Variants in AVL9 observed in about 807,000 individuals in gnomAD.
AVL9 encodes late secretory pathway protein AVL9 homolog.
A neutral mutation model predicts 79.2 loss-of-function variants in AVL9; 49 were observed. That is an observed-to-expected ratio of 0.62 (90% CI 0.49 to 0.79). The LOEUF is 0.79. Ranked by LOEUF, AVL9 falls within the 30% of genes least tolerant of loss-of-function variation. The pLI is 0.00. For missense variants in AVL9, 682 were observed against 776.8 expected (o/e 0.88, Z 1.45); for synonymous variants, 299 against 280.6 (o/e 1.07, Z -0.65).
rs1790210960 is a variant in AVL9 at position 32,559,041 on chromosome 7, A to G, written c.792A>G (p.Ala264=). ...CATGTGCAGATGATTTTGTTTCTGCATCCACTGCTGATGTTTCACATACCA... is the reference window on the plus strand; with the variant it reads ...CATGTGCAGATGATTTTGTTTCTGCGTCCACTGCTGATGTTTCACATACCA... ...SNPCADDFVS[A]STADVSHTNL... Residue 264 remains alanine (A), a synonymous_variant, in exon 10 of 16, where the codon GCA becomes GCG. Coordinates refer to ENST00000318709, the MANE Select transcript of AVL9 (RefSeq NM_015060.3). The G allele has an allele frequency of 6.2e-7, 1 of 1,614,034 alleles. No homozygotes were observed. Among genetic ancestry groups the G allele is most frequent in the African/African-American group, 1.3e-5 (1 of 74,924 alleles).
intron 14 of AVL9, 104 bp downstream of exon 14, chr7:32,580,376 C>A: frequency 1.1e-6 from 1 of 887,024 alleles, no homozygotes; most frequent in Non-Finnish European, 1.8e-6. Flanking sequence ...TAGACTTATG[C>A]TTCAAATAGT....
At chr7:32,580,491 C>T (rs2128156867) in intron 14 of AVL9, among the ~76,000 whole-genome samples, 1 of 152,232 alleles carries the variant, frequency 6.6e-6, no homozygotes, top group African/African-American at 2.4e-5. Flanking sequence ...CAGGATTTAC[C>T]ATTTTTATTT....
At chr7:32,542,347 C>T (rs1246050229) in intron 1 of AVL9, among the ~76,000 whole-genome samples, 1 of 145,168 alleles carries the variant, frequency 6.9e-6, no homozygotes. Flanking sequence ...CGAGACTAGC[C>T]TGGCCAACGT....
intron 1 of AVL9, among the ~76,000 whole-genome samples, chr7:32,542,384 A>G (rs1306130572): frequency 9.3e-6 from 1 of 107,312 alleles, no homozygotes. Context: ...TAGTAAAAAT[A>G]CAAAAAAAAA....
chr7:32,576,186 A>T, intron 13 of AVL9, 114 bp downstream of exon 13: 1 of 716,554 alleles, frequency 1.4e-6, no homozygotes, highest in South Asian at 1.9e-5. Context: ...GAATCCCCTT[A>T]AGTAGGTCAT....
intron 1 of AVL9, chr7:32,537,295 T>G (rs925717922): frequency 2.6e-5 from 4 of 152,114 alleles, no homozygotes; most frequent in Admixed American, 2.0e-4. Flanking sequence ...GGAGTTTTGT[T>G]CCAGGAATGA....
At chr7:32,571,203 G>A (rs1790827314) in intron 11 of AVL9, among the ~76,000 whole-genome samples, 1 of 141,076 alleles carries the variant, frequency 7.1e-6, no homozygotes, top group African/African-American at 2.7e-5. Context: ...CTGCACTCCA[G>A]CCTGGGTGAC....
chr7:32,542,641 C>T (rs1179178034), intron 1 of AVL9, among the ~76,000 whole-genome samples: 3 of 152,120 alleles, frequency 2.0e-5, no homozygotes, highest in Non-Finnish European at 2.9e-5. Context: ...GCCCTTTTAC[C>T]GTTGGCTTTC....
intron 3 of AVL9, among the ~76,000 whole-genome samples, chr7:32,545,286 C>A (rs1789428185): frequency 6.7e-6 from 1 of 149,132 alleles, no homozygotes; most frequent in African/African-American, 2.5e-5. Context: ...TTTTTTTAAG[C>A]AGCATTTCAG....
chr7:32,543,960 A>G (rs1200358851), intron 2 of AVL9, among the ~76,000 whole-genome samples: 1 of 149,102 alleles, frequency 6.7e-6, no homozygotes, highest in Non-Finnish European at 1.5e-5. Flanking sequence ...CCTGTTGCCC[A>G]GGCTGGTCTC....
At chr7:32,523,508 CTTTTTTT>C (rs70992725) in intron 1 of AVL9, among the ~76,000 whole-genome samples, 37 of 79,278 alleles carry the variant, frequency 4.7e-4, no homozygotes, top group Middle Eastern at 0.026. Flanking sequence ...TATAAATTTC[CTTTTTTT>C]TTTTTTTTTT....
At chr7:32,519,520 G>C (rs1788051303) in intron 1 of AVL9, among the ~76,000 whole-genome samples, 1 of 151,764 alleles carries the variant, frequency 6.6e-6, no homozygotes, top group Non-Finnish European at 1.5e-5. Flanking sequence ...GGCAGTCTTT[G>C]GTAAGATTAA....
At chr7:32,581,031 G>T in intron 15 of AVL9, 141 bp downstream of exon 15, 1 of 742,126 alleles carries the variant, frequency 1.3e-6, no homozygotes, top group African/African-American at 1.8e-5. Context: ...TTAAATTTTT[G>T]TCATATTCAT....
intron 10 of AVL9, among the ~76,000 whole-genome samples, chr7:32,564,047 C>A (rs1424199180): frequency 6.6e-6 from 1 of 152,120 alleles, no homozygotes; most frequent in Non-Finnish European, 1.5e-5. Flanking sequence ...ATTTCACCGA[C>A]CTGCCCTCTA....
chr7:32,526,729 A>G (rs1788416650), intron 1 of AVL9, among the ~76,000 whole-genome samples: 1 of 151,640 alleles, frequency 6.6e-6, no homozygotes, highest in African/African-American at 2.4e-5. Flanking sequence ...CATTTTTTCA[A>G]AAGAGTCCCA....
intron 4 of AVL9, among the ~76,000 whole-genome samples, chr7:32,550,566 T>C (rs1014394030): frequency 2.0e-5 from 3 of 152,220 alleles, no homozygotes; most frequent in African/African-American, 7.2e-5. Flanking sequence ...CCAGTATTAC[T>C]TGTTTTTAAT....
chr7:32,548,685 A>T (rs1009795093), intron 3 of AVL9, among the ~76,000 whole-genome samples, 162 bp from the exon 4 acceptor site: 1 of 152,204 alleles, frequency 6.6e-6, no homozygotes, highest in African/African-American at 2.4e-5. Flanking sequence ...CCAAACTGAC[A>T]TTTATTTGTT....
intron 13 of AVL9, among the ~76,000 whole-genome samples, chr7:32,579,419 A>ATAT (rs1562801503): frequency 8.0e-3 from 27 of 3,394 alleles, no homozygotes; most frequent in Non-Finnish European, 0.011. Flanking sequence ...ATAATATGTT[A>ATAT]TATATATAAT....
chr7:32,521,028 A>G (rs532408111), intron 1 of AVL9, among the ~76,000 whole-genome samples: 1 of 152,004 alleles, frequency 6.6e-6, no homozygotes, highest in East Asian at 1.9e-4. Context: ...TCCCGCCGAC[A>G]TGTAATAATT....
Sources: allele counts gnomAD v4.1 joint callset (sites outside exome capture counted in the v4.1 genomes callset), GRCh38; gene constraint gnomAD v4.1.1; transcripts MANE v1.5; gene names NCBI Gene and HGNC (gene_info 2026-07-23, HGNC 2026-07-21).